The following SPTAN1 variants were observed in gnomAD, a reference collection of about 807,000 sequenced individuals.
SPTAN1 encodes the protein spectrin alpha, non-erythrocytic 1.
SPTAN1 carries 61 observed loss-of-function variants against 331.3 expected under a neutral mutation model. The observed-to-expected ratio is 0.18, with a 90% confidence interval of 0.15 to 0.23. The LOEUF (loss-of-function observed/expected upper bound fraction) is 0.23. SPTAN1 is among the 10% of genes least tolerant of loss of function. The pLI is 1.00. For missense variants in SPTAN1, 2,043 were observed against 3,147.9 expected (o/e 0.65, Z 8.40); for synonymous variants, 1,153 against 1,173.9 (o/e 0.98, Z 0.36).
At position 128,577,406 on chromosome 9, in the gene SPTAN1, G is replaced by A; in HGVS notation, c.985G>A (p.Ala329Thr). 6.2e-7 allele frequency: 1 copy of A among 1,614,206 alleles called. No individual in the cohort carries two copies. The highest frequency in any genetic ancestry group is 1.1e-5 in the South Asian group (1 of 91,084). The change falls in exon 8 of 57, where the codon GCA becomes ACA. Residue 329 changes from alanine to threonine, a missense_variant. Around this residue, in one of 12 missense-constraint regions of SPTAN1, gnomAD observed 1,038 missense variants for 1,531.5 expected, o/e 0.68. Transcript: ENST00000372739. This position sits in a 1 kb window ranked among gnomAD's most constrained non-coding sequence, Gnocchi z 4.2. ...CCTGCAACAGTCCCACCCTCTGAGT[G>A]CAACACAGATTCAAGTGAAGCGAGA... is the stretch of plus-strand genomic sequence containing the variant. ...DRLQQSHPLS[A>T]TQIQVKREEL...
chr9:128,628,255 A>T, intron 51 of SPTAN1: 3 of 508,236 alleles, frequency 5.9e-6, no homozygotes, highest in South Asian at 5.2e-5. Context: ...GGCCCTAAGA[A>T]CCCCCGTGCC....
chr9:128,567,637 T>C (rs1850190320), intron 2 of SPTAN1, among the ~76,000 whole-genome samples: 1 of 152,102 alleles, frequency 6.6e-6, no homozygotes, highest in African/African-American at 2.4e-5. Context: ...CTGGCAAAAA[T>C]TTATAGTTAT....
rs184184506 is a variant in SPTAN1 at position 128,561,313 on chromosome 9, A to G, written c.-3-5425A>G. 6.6e-3 allele frequency among the ~76,000 whole-genome samples: 984 copies of G among 148,178 alleles called. 11 individuals carry two copies. Among genetic ancestry groups the G allele is most frequent in the African/African-American group, 0.023 (912 of 40,020 alleles). ...GCTTGACCCTGGAGGCGGAGGTTGC[A>G]GTGAGTCAAGATCGCACCACTGCAA... On this transcript the variant is annotated intron_variant, in intron 1 of 56. Transcript: ENST00000372739.
intron 52 of SPTAN1, among the ~76,000 whole-genome samples, chr9:128,631,034 A>C (rs530548615): frequency 6.6e-6 from 1 of 151,812 alleles, no homozygotes; most frequent in African/African-American, 2.4e-5. Context: ...TAGTAGAGAC[A>C]GTGTTTTGCC....
chr9:128,599,140 T>G, intron 26 of SPTAN1, 154 bp downstream of exon 26: 1 of 808,918 alleles, frequency 1.2e-6, no homozygotes, highest in South Asian at 1.4e-5. Context: ...CAAAAATTGA[T>G]TTCTTTTTTT....
At chr9:128,570,326 ATATATT>A (rs1260991010) in intron 3 of SPTAN1, among the ~76,000 whole-genome samples, 20 of 43,136 alleles carry the variant, frequency 4.6e-4, no homozygotes, top group African/African-American at 2.0e-3. Context: ...ATATATATAT[ATATATT>A]TTTTTTTTTT....
In SPTAN1 at chr9:128,584,855, G is replaced by A; in HGVS notation, c.2560+12G>A. 6.2e-7 allele frequency: 1 copy of A among 1,614,172 alleles called. No individual in the cohort carries two copies. On this transcript the variant is annotated intron_variant, in intron 18 of 56. Transcript: ENST00000372739. The stretch of plus-strand genomic sequence containing the variant: ...CATGGTGGAGGAAGGTGAGTGATTG[G>A]TATCAGTGACATGGCTTGGTGCTGC...
intron 3 of SPTAN1, 141 bp from the exon 4 acceptor site, chr9:128,574,534 C>A: frequency 9.8e-7 from 1 of 1,017,874 alleles, no homozygotes. Context: ...TTTACTATTT[C>A]CTCTCAGTTT....
At chr9:128,610,661 A>T (rs1037434554) in intron 37 of SPTAN1, among the ~76,000 whole-genome samples, 1 of 152,000 alleles carries the variant, frequency 6.6e-6, no homozygotes, top group East Asian at 1.9e-4. Flanking sequence ...TGTCCTTGCA[A>T]TTGTCTCTTG....
chr9:128,559,617 A>G (rs532915283), intron 1 of SPTAN1, among the ~76,000 whole-genome samples: 1 of 152,318 alleles, frequency 6.6e-6, no homozygotes, highest in South Asian at 2.1e-4. Context: ...AATTAGATGC[A>G]TAATTTCTCA....
At chr9:128,557,001 G>A (rs1344540613) in intron 1 of SPTAN1, among the ~76,000 whole-genome samples, 1 of 152,202 alleles carries the variant, frequency 6.6e-6, no homozygotes, top group Non-Finnish European at 1.5e-5. Flanking sequence ...TTTGGTAATA[G>A]GCTGGCATCC....
At chr9:128,583,365 C>A in intron 15 of SPTAN1, 84 bp downstream of exon 15, 2 of 1,372,450 alleles carry the variant, frequency 1.5e-6, no homozygotes, top group East Asian at 2.4e-5. Context: ...GGACATATAC[C>A]CCCCAAGAAA....
chr9:128,633,539 A>C lies in SPTAN1; in HGVS notation c.*205A>C. ...TGTGGGGACCCAGATCTGTGTCTTG[A>C]AGCAGCTGCCCTCATTCCGACTTCA... On this transcript the variant is annotated 3_prime_UTR_variant, in exon 57 of 57. Coordinates refer to ENST00000372739, the MANE Select transcript of SPTAN1 (RefSeq NM_001130438.3). The C allele has an allele frequency of 9.1e-7, 1 of 1,094,868 alleles. No homozygotes were observed. The highest frequency in any genetic ancestry group is 2.4e-5 in the East Asian group (1 of 42,188). The allele number at this position is 1,094,868 out of a possible 1,614,324, so 67.8% of individuals were successfully genotyped here.
intron 24 of SPTAN1, among the ~76,000 whole-genome samples, chr9:128,595,153 A>G (rs1854101821): frequency 6.6e-6 from 1 of 151,828 alleles, no homozygotes; most frequent in Admixed American, 6.6e-5. Context: ...TCTATCACCC[A>G]GGCTAGAGTA....
Position 128,627,966 on chromosome 9 carries a change from C to G in SPTAN1, c.6707+24C>G. On this transcript the variant is annotated intron_variant, in intron 51 of 56. Coordinates refer to ENST00000372739, the MANE Select transcript of SPTAN1 (RefSeq NM_001130438.3). This position sits in a 1 kb window ranked among gnomAD's most constrained non-coding sequence, Gnocchi z 4.9. ...GGGTTAATATTGTTTTCTTCCTTCTCTGGGCTTGTCATGTGGGGGTCTCGT... is the reference window on the plus strand; with the variant it reads ...GGGTTAATATTGTTTTCTTCCTTCTGTGGGCTTGTCATGTGGGGGTCTCGT... 6.2e-7 allele frequency: 1 copy of G among 1,614,152 alleles called. No homozygotes were observed. The highest frequency in any genetic ancestry group is 8.5e-7 in the Non-Finnish European group (1 of 1,179,988).
Position 128,612,098 on chromosome 9 carries a change from C to T in SPTAN1, c.4906-11C>T, listed in dbSNP as rs1385129429. 1 of 1,614,174 alleles carries T rather than the reference C, an allele frequency of 6.2e-7. No homozygotes were observed. The highest frequency in any genetic ancestry group is 8.5e-7 in the Non-Finnish European group (1 of 1,180,014). On this transcript the variant is annotated splice_polypyrimidine_tract_variant and intron_variant, in intron 38 of 56. Transcript: ENST00000372739. Reference sequence around the variant, plus strand: ...GATTTCATCTCTTTTTGGCTCCCTTCTGTTCCCCAGGCCCGCCTGGCTGCC... The same window carrying T: ...GATTTCATCTCTTTTTGGCTCCCTTTTGTTCCCCAGGCCCGCCTGGCTGCC...
Position 128,618,111 on chromosome 9 carries a change from G to A in SPTAN1, c.5600+3G>A, listed in dbSNP as rs1428283162. On this transcript the variant is annotated splice_donor_region_variant and intron_variant, in intron 43 of 56. Coordinates refer to ENST00000372739, the MANE Select transcript of SPTAN1 (RefSeq NM_001130438.3). ...CTGAAGCAGCTGGCAGCTGCCCGGT[G>A]AGTAGTCAGAGGCAGGAGCTCCCGG... is the stretch of plus-strand genomic sequence containing the variant. 1 of 1,612,892 alleles carries A rather than the reference G, an allele frequency of 6.2e-7. No homozygotes were observed. The highest frequency in any genetic ancestry group is 1.3e-5 in the African/African-American group (1 of 74,888).
At chr9:128,597,452 AGGT>A (rs1854461484) in intron 24 of SPTAN1, among the ~76,000 whole-genome samples, 1 of 152,150 alleles carries the variant, frequency 6.6e-6, no homozygotes, top group East Asian at 1.9e-4. Context: ...TGAGCCTGGG[AGGT>A]AGAGACTGCA....
intron 46 of SPTAN1, chr9:128,624,764 A>G: frequency 1.8e-6 from 1 of 565,852 alleles, no homozygotes; most frequent in Non-Finnish European, 3.1e-6. Flanking sequence ...TGGCATGAAC[A>G]AAGTTGGCAC....
Sources: allele counts gnomAD v4.1 joint callset (sites outside exome capture counted in the v4.1 genomes callset), GRCh38; gene constraint gnomAD v4.1.1; regional missense constraint gnomAD v4.1.1; non-coding constraint Gnocchi (gnomAD v3.1); transcripts MANE v1.5; gene names NCBI Gene and HGNC (gene_info 2026-07-23, HGNC 2026-07-21).